GRID2: variants seen among roughly 807,000 people sequenced by gnomAD.
GRID2 encodes glutamate receptor ionotropic, delta-2.
Under a neutral mutation model 114.8 loss-of-function variants are expected in GRID2, and 33 were observed. The ratio of observed to expected loss-of-function variants is 0.29; its 90% confidence interval spans 0.22 to 0.38. GRID2 has a LOEUF of 0.38. Among genes scored for constraint, GRID2 ranks in the 10% least tolerant of loss-of-function variants. The pLI, the probability that GRID2 is intolerant of heterozygous loss-of-function variation, is 1.00. For missense variants in GRID2, 1,184 were observed against 1,257.7 expected (o/e 0.94, Z 0.89); for synonymous variants, 505 against 449.9 (o/e 1.12, Z -1.55).
intron 1 of GRID2, among the ~76,000 whole-genome samples, chr4:93,796,926 T>C (rs1207387100): frequency 6.6e-6 from 1 of 152,172 alleles, no homozygotes; most frequent in Non-Finnish European, 1.5e-5. Context: ...ATGGGGTACG[T>C]TCTCAGAAAT....
At chr4:92,663,439 G>T (rs191808296) in intron 2 of GRID2, among the ~76,000 whole-genome samples, 2 of 151,138 alleles carry the variant, frequency 1.3e-5, no homozygotes, top group East Asian at 1.9e-4. Flanking sequence ...ACATCTTTTG[G>T]TTTTTAGGGT....
chr4:92,678,264 C>A (rs1352720516), intron 2 of GRID2, among the ~76,000 whole-genome samples: 1 of 152,048 alleles, frequency 6.6e-6, no homozygotes, highest in African/African-American at 2.4e-5. Context: ...TACTATGTTA[C>A]TTCTGTGTTT....
intron 9 of GRID2, among the ~76,000 whole-genome samples, chr4:93,417,065 C>T (rs1301765449): frequency 2.0e-5 from 3 of 152,114 alleles, no homozygotes; most frequent in Non-Finnish European, 4.4e-5. Flanking sequence ...CCTATTAATA[C>T]TCTTTGAAAC....
chr4:93,303,989 A>G (rs1162792032), intron 8 of GRID2, among the ~76,000 whole-genome samples: 1 of 151,808 alleles, frequency 6.6e-6, no homozygotes, highest in Non-Finnish European at 1.5e-5. Context: ...TTCTTTTCTC[A>G]TTGCTTATAT....
At chr4:93,175,258 C>T (rs926084130) in intron 4 of GRID2, among the ~76,000 whole-genome samples, 1 of 152,104 alleles carries the variant, frequency 6.6e-6, no homozygotes. Context: ...GCAACCTCTG[C>T]CTCTTGAGTT....
chr4:92,758,489 A>C (rs929922356), intron 2 of GRID2, among the ~76,000 whole-genome samples: 2 of 152,234 alleles, frequency 1.3e-5, no homozygotes, highest in Non-Finnish European at 2.9e-5. Context: ...TGAGTCAAAT[A>C]GGCCTGACTA....
intron 2 of GRID2, among the ~76,000 whole-genome samples, chr4:92,616,468 G>C (rs1730008905): frequency 6.6e-6 from 1 of 151,246 alleles, no homozygotes; most frequent in African/African-American, 2.4e-5. Flanking sequence ...ATGCCTTCAG[G>C]TTTCTGCTAA....
chr4:93,263,172 C>T (rs1750441346), intron 8 of GRID2, among the ~76,000 whole-genome samples: 1 of 151,884 alleles, frequency 6.6e-6, no homozygotes, highest in African/African-American at 2.4e-5. Context: ...TCTTTCCATG[C>T]CAAGGATTTT....
Position 93,452,186 on chromosome 4 carries a change from C to A in GRID2, c.1546-3476C>A, listed in dbSNP as rs143369217. 9.3e-3 allele frequency among the ~76,000 whole-genome samples: 1,411 copies of A among 152,170 alleles called. 8 individuals are homozygous for A. The highest frequency in any genetic ancestry group is 0.017 in the Admixed American group (257 of 15,276). On this transcript the variant is annotated intron_variant, in intron 10 of 15. Transcript: ENST00000282020. The stretch of plus-strand genomic sequence containing the variant: ...ACTGAGAAAGAGGTGTATGTTATGT[C>A]ATGAAATTCAAGGGAAAGTTGTGTT...
chr4:92,580,434 T>C (rs1728126522), intron 1 of GRID2, among the ~76,000 whole-genome samples: 1 of 152,100 alleles, frequency 6.6e-6, no homozygotes, highest in South Asian at 2.1e-4. Flanking sequence ...TTCTACAGGC[T>C]GCAATCTGTT....
intron 2 of GRID2, among the ~76,000 whole-genome samples, chr4:93,050,854 G>C (rs959803391): frequency 1.3e-5 from 2 of 151,952 alleles, no homozygotes; most frequent in Non-Finnish European, 1.5e-5. Context: ...TATTATAGCT[G>C]TCATTATCCT....
chr4:93,126,660 C>T (rs1272867661), intron 4 of GRID2, among the ~76,000 whole-genome samples: 2 of 124,568 alleles, frequency 1.6e-5, no homozygotes, highest in Non-Finnish European at 3.1e-5. Flanking sequence ...TGCAGTGGCG[C>T]GATCTCGGCT....
intron 4 of GRID2, among the ~76,000 whole-genome samples, chr4:93,199,290 A>G (rs962481349): frequency 7.9e-5 from 12 of 152,304 alleles, no homozygotes; most frequent in African/African-American, 2.6e-4. Context: ...CTCATGAGGT[A>G]AAGTACTGAA....
intron 11 of GRID2, among the ~76,000 whole-genome samples, chr4:93,474,118 A>G (rs1725094136): frequency 6.6e-6 from 1 of 152,150 alleles, no homozygotes; most frequent in African/African-American, 2.4e-5. Context: ...TATAATTCCA[A>G]TACTGGGTGC....
At chr4:93,553,647 C>A (rs1250748933) in intron 13 of GRID2, among the ~76,000 whole-genome samples, 1 of 152,132 alleles carries the variant, frequency 6.6e-6, no homozygotes, top group African/African-American at 2.4e-5. Flanking sequence ...ACTTGTACAA[C>A]AAGTTATGAA....
chr4:93,287,319 C>A (rs545073316), intron 8 of GRID2, among the ~76,000 whole-genome samples: 13 of 152,226 alleles, frequency 8.5e-5, no homozygotes, highest in African/African-American at 3.1e-4. Flanking sequence ...TCAGGCCTTA[C>A]CTGAATTACT....
chr4:92,656,438 C>A lies in GRID2; in HGVS notation c.244+66152C>A, dbSNP rs184665594. On this transcript the variant is annotated intron_variant, in intron 2 of 15. Coordinates refer to ENST00000282020, the MANE Select transcript of GRID2 (RefSeq NM_001510.4). Reference sequence around the variant, plus strand: ...CAATGCTGAGAACAGTACATTCTAGCAAGTTCCTTACCTAGCCACCATGAA... The same window carrying A: ...CAATGCTGAGAACAGTACATTCTAGAAAGTTCCTTACCTAGCCACCATGAA... 2.0e-4 allele frequency among the ~76,000 whole-genome samples: 30 copies of A among 150,856 alleles called. No homozygotes were observed. The East Asian group carries it at 5.7e-3, about 29-fold the overall frequency.
intron 1 of GRID2, among the ~76,000 whole-genome samples, chr4:92,442,384 G>C (rs539588264): frequency 2.0e-5 from 3 of 152,000 alleles, no homozygotes. Context: ...TCCGGGCTGC[G>C]GGCATTCCTT....
At chr4:93,214,192 G>T (rs1743920757) in intron 5 of GRID2, among the ~76,000 whole-genome samples, 1 of 151,824 alleles carries the variant, frequency 6.6e-6, no homozygotes, top group Non-Finnish European at 1.5e-5. Flanking sequence ...TGCTTTATTG[G>T]TAAACTAGTT....
Sources: gnomAD v4.1 joint callset for allele counts (sites outside exome capture counted in the v4.1 genomes callset) on GRCh38, gnomAD v4.1.1 for gene constraint, MANE v1.5 for transcripts, NCBI Gene and HGNC (gene_info 2026-07-23, HGNC 2026-07-21) for gene names.